KLRG2: variants seen among roughly 807,000 people sequenced by gnomAD.
The protein encoded by KLRG2 is killer cell lectin like receptor G2.
Under a neutral mutation model 35.4 loss-of-function variants are expected in KLRG2, and 39 were observed. The ratio of observed to expected loss-of-function variants is 1.10; its 90% confidence interval spans 0.85 to 1.44. KLRG2 has a LOEUF of 1.44. Ranked by LOEUF, KLRG2 falls within the 40% of genes most tolerant of loss-of-function variation. The pLI, the probability that KLRG2 is intolerant of heterozygous loss-of-function variation, is 0.00. For missense variants in KLRG2, 632 were observed against 570.9 expected (o/e 1.11, Z -1.09); for synonymous variants, 283 against 265.8 (o/e 1.06, Z -0.63).
In KLRG2 at chr7:139,483,546, G is replaced by A; in HGVS notation, c.97C>T (p.Gln33Ter). The change falls in exon 1 of 5, where the codon CAG (glutamine) becomes TAG (stop). Residue 33 changes from glutamine (Q) to a stop codon, truncating the protein, a stop_gained. Transcript: ENST00000340940. LOFTEE classifies it high-confidence loss of function. ...GGTTGTCGCACCTTCGCGGGCACCT[G>A]CGGCTGCTCCAGCGTGGGGACCAGG... is the stretch of plus-strand genomic sequence containing the variant. Reference protein sequence around the residue: ...GSLVPTLEQPQVPAKVRQPEG... With the variant: ...GSLVPTLEQP The A allele has an allele frequency of 1.3e-6, 2 of 1,598,924 alleles. No homozygotes were observed. The highest frequency in any genetic ancestry group is 1.7e-6 in the Non-Finnish European group (2 of 1,178,886).
chr7:139,453,399 TC>T lies in KLRG2; in HGVS notation c.*187del. 1.7e-6 allele frequency: 1 copy of T among 595,838 alleles called. No individual in the cohort carries two copies. Among genetic ancestry groups the T allele is most frequent in the Admixed American group, 3.2e-5 (1 of 31,312 alleles). The allele number at this position is 595,838 out of a possible 1,614,324, so 36.9% of individuals were successfully genotyped here. A position where few individuals can be genotyped will look rare whatever the true frequency, so the allele number is the denominator to read the frequency against. On this transcript the variant is annotated 3_prime_UTR_variant, in exon 5 of 5. Coordinates refer to ENST00000340940, the MANE Select transcript of KLRG2 (RefSeq NM_198508.4). Reference sequence around the variant, plus strand: ...CTCAGGCCTGAGGCCATAGAAAATCTCCTTTCCCTCGGATGCATCTTCCTGG... The same window carrying T: ...CTCAGGCCTGAGGCCATAGAAAATCTCTTTCCCTCGGATGCATCTTCCTGG...
the KLRG2 span, among the ~76,000 whole-genome samples, chr7:139,442,739 C>G: frequency 6.6e-6 from 1 of 152,044 alleles, no homozygotes; most frequent in Admixed American, 6.6e-5. Flanking sequence ...CCCAGATACT[C>G]AGGAGGCTGA....
chr7:139,436,476 C>T, the KLRG2 span, among the ~76,000 whole-genome samples: 4 of 152,110 alleles, frequency 2.6e-5, no homozygotes, highest in African/African-American at 9.7e-5. Flanking sequence ...TTCCTTGGGA[C>T]TAGTTTCTAG....
At chr7:139,455,701 G>A (rs756030445) in intron 3 of KLRG2, among the ~76,000 whole-genome samples, 1 of 152,148 alleles carries the variant, frequency 6.6e-6, no homozygotes, top group African/African-American at 2.4e-5. Flanking sequence ...AGTGATGCCG[G>A]CACGGCCCGC....
chr7:139,463,216 C>T (rs529982234), intron 3 of KLRG2, among the ~76,000 whole-genome samples: 79 of 152,292 alleles, frequency 5.2e-4, no homozygotes, highest in South Asian at 1.9e-3. Flanking sequence ...CAACCTGAGA[C>T]GCTTTACAGC....
At chr7:139,470,511 G>A (rs1314648697) in intron 3 of KLRG2, among the ~76,000 whole-genome samples, 1 of 152,174 alleles carries the variant, frequency 6.6e-6, no homozygotes, top group Admixed American at 6.5e-5. Context: ...AACAGAAAAA[G>A]CCAGGTGCAG....
At chr7:139,440,756 C>T in the KLRG2 span, among the ~76,000 whole-genome samples, 1 of 152,096 alleles carries the variant, frequency 6.6e-6, no homozygotes, top group African/African-American at 2.4e-5. Context: ...GGCACGACCT[C>T]ATCTTAAAAG....
chr7:139,443,711 G>A, the KLRG2 span, among the ~76,000 whole-genome samples: 1 of 152,006 alleles, frequency 6.6e-6, no homozygotes, highest in East Asian at 2.0e-4. Context: ...ACAGGTGTGT[G>A]CCACCACGCC....
At chr7:139,481,897 A>G (rs1241277575) in intron 1 of KLRG2, among the ~76,000 whole-genome samples, 1 of 152,084 alleles carries the variant, frequency 6.6e-6, no homozygotes, top group Non-Finnish European at 1.5e-5. Flanking sequence ...ATTGCACTCC[A>G]GCCTGGGTGA....
At chr7:139,443,754 G>A in the KLRG2 span, among the ~76,000 whole-genome samples, 1 of 152,110 alleles carries the variant, frequency 6.6e-6, no homozygotes, top group Non-Finnish European at 1.5e-5. Context: ...TAGAGGCAGG[G>A]TTTCACCATG....
chr7:139,445,797 G>GTATATATGTA, the KLRG2 span, among the ~76,000 whole-genome samples: 1 of 99,072 alleles, frequency 1.0e-5, no homozygotes, highest in African/African-American at 7.6e-5. Context: ...ATATATGTGT[G>GTATATATGTA]TATATATATA....
At chr7:139,428,153 C>G in the KLRG2 span, among the ~76,000 whole-genome samples, 4 of 152,316 alleles carry the variant, frequency 2.6e-5, no homozygotes, top group African/African-American at 7.2e-5. Context: ...ATTTCCAGCA[C>G]CTTTTATTCT....
In KLRG2 at chr7:139,479,643, A is replaced by AG; in HGVS notation, c.988dup (p.Leu330ProfsTer44). The stretch of plus-strand genomic sequence containing the variant: ...CCTTCTCACCTGGGTGTGGCTTAGC[A>AG]GGGGGAGGGTAGCGTGGTAGGCTGA... On this transcript the variant is annotated frameshift_variant, in exon 3 of 5. Transcript: ENST00000340940. LOFTEE classifies it high-confidence loss of function. The AG allele has an allele frequency of 1.9e-6, 3 of 1,613,160 alleles. No homozygotes were observed. The highest frequency in any genetic ancestry group is 2.5e-6 in the Non-Finnish European group (3 of 1,179,952).
At chr7:139,459,980 G>A (rs1455751294) in intron 3 of KLRG2, among the ~76,000 whole-genome samples, 1 of 152,150 alleles carries the variant, frequency 6.6e-6, no homozygotes, top group Non-Finnish European at 1.5e-5. Flanking sequence ...TTGATCTCTT[G>A]ACCTCATGAT....
the KLRG2 span, among the ~76,000 whole-genome samples, chr7:139,435,403 T>C: frequency 2.0e-5 from 3 of 152,104 alleles, no homozygotes; most frequent in Non-Finnish European, 4.4e-5. Context: ...GGCAGGAGAA[T>C]CGCTTGAACC....
the KLRG2 span, among the ~76,000 whole-genome samples, chr7:139,439,970 T>C: frequency 6.6e-6 from 1 of 152,174 alleles, no homozygotes; most frequent in Non-Finnish European, 1.5e-5. Flanking sequence ...AGGGCCATGT[T>C]CCCTCTGATG....
Position 139,483,413 on chromosome 7 carries a change from G to A in KLRG2, c.230C>T (p.Ser77Phe), listed in dbSNP as rs1419984628. 1.3e-6 allele frequency: 2 copies of A among 1,550,052 alleles called. No homozygotes were observed. The highest frequency in any genetic ancestry group is 2.4e-5 in the East Asian group (1 of 40,968). Reference protein sequence around the residue: ...KKKPPSPRPGSPRVPPLSLGY... With the variant: ...KKKPPSPRPGFPRVPPLSLGY... ...CAGGCTGAGCGGCGGCACGCGCGGG[G>A]ACCCGGGGCGAGGCGAAGGCGGCTT... The change falls in exon 1 of 5, where the codon TCC (serine) becomes TTC (phenylalanine). Residue 77 changes from serine to phenylalanine, a missense_variant. Transcript: ENST00000340940.
At chr7:139,455,344 C>T (rs1171282151) in intron 3 of KLRG2, among the ~76,000 whole-genome samples, 1 of 112,006 alleles carries the variant, frequency 8.9e-6, no homozygotes, top group Non-Finnish European at 1.8e-5. Flanking sequence ...TTTTTTGAGA[C>T]AGAGTCTCGC....
intron 3 of KLRG2, among the ~76,000 whole-genome samples, chr7:139,468,716 G>A (rs902488017): frequency 6.6e-6 from 1 of 152,162 alleles, no homozygotes; most frequent in Non-Finnish European, 1.5e-5. Context: ...TGTCACATGT[G>A]TCAGTCTTTA....
Sources: allele counts gnomAD v4.1 joint callset (sites outside exome capture counted in the v4.1 genomes callset), GRCh38; gene constraint gnomAD v4.1.1; transcripts MANE v1.5; gene names NCBI Gene and HGNC (gene_info 2026-07-23, HGNC 2026-07-21).